Variants in HIVEP3 observed in about 807,000 individuals in gnomAD.
The protein encoded by HIVEP3 is transcription factor HIVEP3.
HIVEP3 carries 49 observed loss-of-function variants against 152.8 expected under a neutral mutation model. The ratio of observed to expected loss-of-function variants is 0.32; its 90% CI spans 0.26 to 0.41. The LOEUF (loss-of-function observed/expected upper bound fraction) is 0.41. Ranked by LOEUF, HIVEP3 falls within the 10% of genes least tolerant of loss-of-function variation. The pLI is 1.00. For missense variants in HIVEP3, 2,790 were observed against 3,103.3 expected, an observed-to-expected ratio of 0.90 and a Z score of 2.40; for synonymous variants, 1,269 against 1,289.0, an observed-to-expected ratio of 0.98 and a Z score of 0.33.
Position 41,838,079 on chromosome 1 carries a change from C to G in HIVEP3, c.-801+80334G>C, listed in dbSNP as rs78897864. ...TTTGACACAGATGGCCCGGTGAATT[C>G]CTTGTATTCTTTTTGTTTTTCAGGA... On this transcript the variant is annotated intron_variant, in intron 1 of 8. Transcript: ENST00000372583. Among the ~76,000 whole-genome samples the G allele has an allele frequency of 2.5e-3, 388 of 152,214 alleles. 1 individual carries two copies. The highest frequency in any genetic ancestry group is 8.7e-3 in the African/African-American group (363 of 41,530).
At chr1:41,524,653 G>A in intron 6 of HIVEP3, 82 bp downstream of exon 6, 3 of 1,313,548 alleles carry the variant, frequency 2.3e-6, no homozygotes, top group Non-Finnish European at 1.1e-6. Flanking sequence ...AGAGGTCTGG[G>A]CACCTGAACT....
At chr1:41,829,798 G>C (rs192926996) in intron 1 of HIVEP3, among the ~76,000 whole-genome samples, 22 of 149,924 alleles carry the variant, frequency 1.5e-4, no homozygotes, top group Admixed American at 1.3e-3. Flanking sequence ...CATGTTCCCA[G>C]TTAAAAAAAA....
Position 41,510,912 on chromosome 1 carries a change from C to G in HIVEP3, c.6760G>C (p.Val2254Leu), listed in dbSNP as rs577069365. The G allele has an allele frequency of 3.7e-6, 6 of 1,613,432 alleles. No individual in the cohort carries two copies. The highest frequency in any genetic ancestry group is 5.1e-6 in the Non-Finnish European group (6 of 1,179,902). ...WSPTESSSAS[V>L]SPVAKVSKFT... ...TTGGAGACCTTAGCCACAGGCGACA[C>G]GGAGGCTGACGAGCTCTCAGTGGGA... Residue 2254 changes from valine to leucine, a missense_variant, in exon 9 of 9, where the codon GTG becomes CTG. This residue lies in a region of HIVEP3 where 816 missense variants were observed against 806.5 expected (regional missense o/e 1.01). Coordinates refer to ENST00000372583, the MANE Select transcript of HIVEP3 (RefSeq NM_024503.5).
rs1365118105 is a variant in HIVEP3 at position 41,910,994 on chromosome 1, A to T, written c.-801+7419T>A. ...AAAGACACAAAATGTTCAATGATAA[A>T]GGAAAGATTGATAAATTTTATTACA... On this transcript the variant is annotated intron_variant, in intron 1 of 8. Transcript: ENST00000372583. Among the ~76,000 whole-genome samples, 5 of 152,254 alleles carry T rather than the reference A, an allele frequency of 3.3e-5. No homozygotes were observed. The East Asian group carries it at 9.6e-4, about 29-fold the overall frequency.
At chr1:41,786,750 CTTTCT>C (rs1278270254) in intron 1 of HIVEP3, among the ~76,000 whole-genome samples, 1 of 141,558 alleles carries the variant, frequency 7.1e-6, no homozygotes, top group African/African-American at 3.1e-5. Flanking sequence ...ATGTAATTTT[CTTTCT>C]TTTTTTTTTT....
intron 1 of HIVEP3, among the ~76,000 whole-genome samples, chr1:41,984,566 A>T (rs1423456153): frequency 6.6e-6 from 1 of 152,246 alleles, no homozygotes; most frequent in Admixed American, 6.5e-5. Context: ...CTGACTTGAG[A>T]GAAGGGAAAA....
At position 41,689,901 on chromosome 1, in the gene HIVEP3, G is replaced by A. The variant is rs182770284; in HGVS notation, c.-721+11015C>T. On this transcript the variant is annotated intron_variant, in intron 2 of 8. Transcript: ENST00000372583. ...GTTGGCCTTGCAGCCTGTCGGCTCC[G>A]CCTCCCAGTCCCGTGGTCACAGAGG... Among the ~76,000 whole-genome samples, 782 of 152,282 alleles carry A rather than the reference G, an allele frequency of 5.1e-3. 9 individuals carry two copies. Among genetic ancestry groups the A allele is most frequent in the African/African-American group, 0.018 (756 of 41,538 alleles).
intron 1 of HIVEP3, among the ~76,000 whole-genome samples, chr1:42,031,937 C>A (rs573921904): frequency 6.6e-6 from 1 of 152,268 alleles, no homozygotes; most frequent in South Asian, 2.1e-4. Context: ...GTTTTCCAGT[C>A]AATGTGGTAA....
At chr1:41,855,446 T>C (rs919757784) in intron 1 of HIVEP3, among the ~76,000 whole-genome samples, 1 of 152,082 alleles carries the variant, frequency 6.6e-6, no homozygotes, top group African/African-American at 2.4e-5. Context: ...TTTCGCAACC[T>C]ACTCATCTGA....
At chr1:41,976,915 T>C (rs1284574062) in intron 1 of HIVEP3, among the ~76,000 whole-genome samples, 1 of 152,206 alleles carries the variant, frequency 6.6e-6, no homozygotes, top group African/African-American at 2.4e-5. Context: ...GACACCTTGA[T>C]TTCAGACCCC....
In HIVEP3 at chr1:41,582,997, A is replaced by T; in HGVS notation, c.1801T>A (p.Tyr601Asn). The part of the protein sequence containing the change: ...PAIELPLGGE[Y>N]SSEEPGPSSK... Reference sequence around the variant, plus strand: ...CTTGGGCCAGGCTCCTCAGAACTGTATTCCCCTCCCAAAGGTAATTCGATT... The same window carrying T: ...CTTGGGCCAGGCTCCTCAGAACTGTTTTCCCCTCCCAAAGGTAATTCGATT... Residue 601 changes from tyrosine (Y) to asparagine (N), a missense_variant, in exon 4 of 9, where the codon TAC becomes AAC. This residue lies in a region of HIVEP3 where 339 missense variants were observed against 327.0 expected (regional missense o/e 1.04). Transcript: ENST00000372583. The surrounding 1 kb of genome is among the most constrained non-coding windows in gnomAD (Gnocchi z 4.7). 1.2e-6 allele frequency: 2 copies of T among 1,614,000 alleles called. No individual in the cohort carries two copies. Among genetic ancestry groups the T allele is most frequent in the South Asian group, 1.1e-5 (1 of 91,054 alleles).
At chr1:41,568,253 G>A (rs557997540) in intron 5 of HIVEP3, among the ~76,000 whole-genome samples, 5 of 152,356 alleles carry the variant, frequency 3.3e-5, no homozygotes, top group African/African-American at 1.2e-4. Flanking sequence ...AATTCATCGT[G>A]GGTAGTGTGG....
chr1:41,643,703 G>C (rs1645412426), intron 2 of HIVEP3, among the ~76,000 whole-genome samples: 1 of 152,102 alleles, frequency 6.6e-6, no homozygotes, highest in African/African-American at 2.4e-5. Context: ...TGCTTGCCCT[G>C]GTGTTAGCTA....
chr1:41,812,797 C>T (rs1651043192), intron 1 of HIVEP3, among the ~76,000 whole-genome samples: 2 of 149,714 alleles, frequency 1.3e-5, no homozygotes, highest in Admixed American at 6.7e-5. Flanking sequence ...CCTGAGGGTG[C>T]ACTCCTCCTT....
intron 1 of HIVEP3, among the ~76,000 whole-genome samples, chr1:41,791,828 C>T (rs1412662496): frequency 6.6e-6 from 1 of 151,970 alleles, no homozygotes; most frequent in African/African-American, 2.4e-5. Flanking sequence ...CCCCTCCCCA[C>T]CCCCAAACCC....
intron 2 of HIVEP3, among the ~76,000 whole-genome samples, chr1:41,657,686 G>A (rs1025778016): frequency 1.3e-5 from 2 of 152,224 alleles, no homozygotes; most frequent in Admixed American, 1.3e-4. Context: ...AGGTAAGTGT[G>A]AGCATTCCCA....
chr1:41,934,491 A>G (rs1206926055), intron 1 of HIVEP3, among the ~76,000 whole-genome samples: 1 of 152,108 alleles, frequency 6.6e-6, no homozygotes, highest in Non-Finnish European at 1.5e-5. Flanking sequence ...TTTTTTCACC[A>G]TAAGTTTAGG....
At chr1:42,027,583 C>G (rs1287154559) in intron 1 of HIVEP3, among the ~76,000 whole-genome samples, 1 of 152,172 alleles carries the variant, frequency 6.6e-6, no homozygotes, top group Non-Finnish European at 1.5e-5. Flanking sequence ...TCACACAGGT[C>G]AAGCATACAA....
intron 1 of HIVEP3, among the ~76,000 whole-genome samples, chr1:41,792,125 G>A (rs1338692350): frequency 6.6e-6 from 1 of 152,042 alleles, no homozygotes; most frequent in African/African-American, 2.4e-5. Flanking sequence ...CTGTACCTCC[G>A]AGGTCCTGAG....
Sources: allele counts gnomAD v4.1 joint callset (sites outside exome capture counted in the v4.1 genomes callset), GRCh38; gene constraint gnomAD v4.1.1; regional missense constraint gnomAD v4.1.1; non-coding constraint Gnocchi (gnomAD v3.1); transcripts MANE v1.5; gene names NCBI Gene and HGNC (gene_info 2026-07-23, HGNC 2026-07-21).